Variants in SMYD4 observed in about 807,000 individuals in gnomAD.
SMYD4 encodes SET and MYND domain containing 4, also known as protein-lysine N-methyltransferase SMYD4.
Under a neutral mutation model 72.8 loss-of-function variants are expected in SMYD4, and 68 were observed. That is an observed-to-expected ratio of 0.93 (90% CI 0.77 to 1.14). The LOEUF is 1.14. Ranked by LOEUF, SMYD4 falls within the 50% of genes most tolerant of loss-of-function variation. The pLI, the probability that SMYD4 is intolerant of heterozygous loss-of-function variation, is 0.00. For synonymous variants in SMYD4, 407 were observed against 388.6 expected (o/e 1.05, Z -0.56); for missense variants, 984 against 1,003.7 (o/e 0.98, Z 0.27).
chr17:1,816,849 G>A (rs775364621), intron 2 of SMYD4, among the ~76,000 whole-genome samples: 7 of 151,838 alleles, frequency 4.6e-5, no homozygotes, highest in Non-Finnish European at 8.8e-5. Context: ...TGTGTCTACT[G>A]GCTATTTGTG....
chr17:1,816,894 C>T (rs1041851618), intron 2 of SMYD4, among the ~76,000 whole-genome samples: 5 of 151,870 alleles, frequency 3.3e-5, no homozygotes, highest in Non-Finnish European at 7.4e-5. Flanking sequence ...AGTCCTTTGC[C>T]TATTTTTAAT....
chr17:1,829,776 C>G lies in SMYD4; in HGVS notation c.-63G>C, dbSNP rs998750087. 7 of 221,188 alleles carry G rather than the reference C, an allele frequency of 3.2e-5. No homozygotes were observed. The highest frequency in any genetic ancestry group is 2.3e-4 in the Admixed American group (4 of 17,268). The allele number at this position is 221,188 out of a possible 1,614,324, so 13.7% of individuals were successfully genotyped here. A position where few individuals can be genotyped will look rare whatever the true frequency, so the allele number is the denominator to read the frequency against. On this transcript the variant is annotated 5_prime_UTR_variant, in exon 1 of 11. Coordinates refer to ENST00000305513, the MANE Select transcript of SMYD4 (RefSeq NM_052928.3). Reference sequence around the variant, plus strand: ...GAGAACGCCTCGAGAACCGCTCAGACGCGCCCGGAACTGCGCCCTGGTCTC... The same window carrying G: ...GAGAACGCCTCGAGAACCGCTCAGAGGCGCCCGGAACTGCGCCCTGGTCTC...
chr17:1,793,782 G>T (rs1343829559), intron 5 of SMYD4, among the ~76,000 whole-genome samples: 1 of 151,320 alleles, frequency 6.6e-6, no homozygotes, highest in African/African-American at 2.4e-5. Flanking sequence ...ATGACACTGA[G>T]ATACACAGAG....
intron 5 of SMYD4, among the ~76,000 whole-genome samples, chr17:1,789,576 C>T (rs530674398): frequency 2.6e-5 from 4 of 152,072 alleles, no homozygotes; most frequent in African/African-American, 4.8e-5. Context: ...CCAGCTTGGC[C>T]AACATGGTGA....
intron 2 of SMYD4, among the ~76,000 whole-genome samples, chr17:1,821,109 G>A (rs542494457): frequency 2.0e-5 from 3 of 152,256 alleles, no homozygotes; most frequent in Middle Eastern, 3.4e-3. Context: ...CATCCTTCAC[G>A]GTTCATGTGA....
chr17:1,829,482 T>G (rs749786655), intron 1 of SMYD4: 2 of 152,308 alleles, frequency 1.3e-5, no homozygotes, highest in Non-Finnish European at 2.9e-5. Context: ...CACGTCTACC[T>G]GGAGGTGGGG....
At chr17:1,827,280 A>G (rs965364229) in intron 2 of SMYD4, among the ~76,000 whole-genome samples, 1 of 151,732 alleles carries the variant, frequency 6.6e-6, no homozygotes, top group Non-Finnish European at 1.5e-5. Context: ...AGGCGGAGGC[A>G]GTGGGCTGAG....
intron 2 of SMYD4, among the ~76,000 whole-genome samples, chr17:1,815,504 C>A (rs1049567173): frequency 7.5e-6 from 1 of 133,616 alleles, no homozygotes; most frequent in East Asian, 2.2e-4. Flanking sequence ...CCAGCCGATT[C>A]TTTTTTTTTT....
chr17:1,809,990 T>C (rs1282653419), intron 3 of SMYD4, among the ~76,000 whole-genome samples: 1 of 151,998 alleles, frequency 6.6e-6, no homozygotes, highest in Non-Finnish European at 1.5e-5. Context: ...AGATGGGGTC[T>C]TGCTATGTTG....
At chr17:1,806,929 C>T (rs893229313) in intron 3 of SMYD4, among the ~76,000 whole-genome samples, 3 of 151,666 alleles carry the variant, frequency 2.0e-5, no homozygotes, top group Admixed American at 6.6e-5. Flanking sequence ...CTCTCGTTGT[C>T]GTCCAGGCTG....
chr17:1,787,602 G>A lies in SMYD4; in HGVS notation c.1540C>T (p.Pro514Ser). The A allele has an allele frequency of 6.3e-7, 1 of 1,582,068 alleles. No homozygotes were observed. Among genetic ancestry groups the A allele is most frequent in the Non-Finnish European group, 8.6e-7 (1 of 1,163,956 alleles). Residue 514 changes from proline (P) to serine (S), a missense_variant and splice_region_variant, in exon 6 of 11, where the codon CCT (proline) becomes TCT (serine). Physicochemically the swap from Pro to Ser is moderately conservative, Grantham distance 74. Coordinates refer to ENST00000305513, the MANE Select transcript of SMYD4 (RefSeq NM_052928.3). Reference protein sequence around the residue: ...QAMTTIQHTGPKGSIVTDSRQ... With the variant: ...QAMTTIQHTGSKGSIVTDSRQ... Reference sequence around the variant, plus strand: ...CTGTCGGTAACGATGCTCCCTTTAGGTCCTGAAAGGGCAAGAGGAAAGAAG... The same window carrying A: ...CTGTCGGTAACGATGCTCCCTTTAGATCCTGAAAGGGCAAGAGGAAAGAAG...
chr17:1,796,246 G>A (rs1909399183), intron 5 of SMYD4, among the ~76,000 whole-genome samples: 1 of 149,578 alleles, frequency 6.7e-6, no homozygotes, highest in African/African-American at 2.5e-5. Context: ...CAATCCTCCT[G>A]CCTCAGCTTC....
At chr17:1,807,293 T>C (rs1051529817) in intron 3 of SMYD4, among the ~76,000 whole-genome samples, 1 of 151,388 alleles carries the variant, frequency 6.6e-6, no homozygotes, top group South Asian at 2.1e-4. Flanking sequence ...ATCCATTTAA[T>C]GGAACGCCAT....
rs1038492893 is a variant in SMYD4 at position 1,788,756 on chromosome 17, A to T, written c.1538-1152T>A. Among the ~76,000 whole-genome samples, 2 of 152,078 alleles carry T rather than the reference A, an allele frequency of 1.3e-5. 1 individual carries two copies. Among genetic ancestry groups the T allele is most frequent in the South Asian group, 4.1e-4 (2 of 4,820 alleles). ...AGACCCCGCCTCCAAAAAAAAAAAAATTTGTTCATTTCAGAAAAGAAAGCA... is the reference window on the plus strand; with the variant it reads ...AGACCCCGCCTCCAAAAAAAAAAAATTTTGTTCATTTCAGAAAAGAAAGCA... On this transcript the variant is annotated intron_variant, in intron 5 of 10. Coordinates refer to ENST00000305513, the MANE Select transcript of SMYD4 (RefSeq NM_052928.3).
intron 3 of SMYD4, among the ~76,000 whole-genome samples, 185 bp from the exon 4 acceptor site, chr17:1,804,900 CAG>C (rs1909957305): frequency 6.6e-6 from 1 of 152,092 alleles, no homozygotes; most frequent in South Asian, 2.1e-4. Context: ...GTGAGGACAT[CAG>C]TATTAAAAGC....
At chr17:1,828,125 TG>T in intron 1 of SMYD4, 119 bp from the exon 2 acceptor site, 1 of 933,896 alleles carries the variant, frequency 1.1e-6, no homozygotes, top group Non-Finnish European at 1.6e-6. Context: ...CCGAGGTAGG[TG>T]GATCACGAGG....
intron 4 of SMYD4, among the ~76,000 whole-genome samples, chr17:1,803,305 TAAG>T (rs1909867997): frequency 6.6e-6 from 1 of 152,190 alleles, no homozygotes; most frequent in Admixed American, 6.6e-5. Flanking sequence ...TCACGACACT[TAAG>T]AAGGCTGAGC....
chr17:1,812,694 G>T (rs1302069486), intron 2 of SMYD4, among the ~76,000 whole-genome samples: 1 of 150,054 alleles, frequency 6.7e-6, no homozygotes, highest in African/African-American at 2.5e-5. Flanking sequence ...GATTACAGGC[G>T]CCCATCACCA....
rs751806935 is a variant in SMYD4, at chr17:1,783,130, T to C, written c.2166A>G (p.Leu722=). ...LGDWQKSATH[L]QRSLYVVEVR... ...CCTCCACCACGTAGAGACTCCTCTG[T>C]AGATGGGTGGCTGACTTTTGCCAGT... Residue 722 remains leucine, a synonymous_variant, in exon 10 of 11, where the codon CTA becomes CTG. Coordinates refer to ENST00000305513, the MANE Select transcript of SMYD4 (RefSeq NM_052928.3). The C allele has an allele frequency of 2.5e-6, 4 of 1,614,114 alleles. No individual in the cohort carries two copies. The highest frequency in any genetic ancestry group is 1.7e-4 in the Middle Eastern group (1 of 6,060).
Sources: allele counts gnomAD v4.1 joint callset (sites outside exome capture counted in the v4.1 genomes callset), GRCh38; gene constraint gnomAD v4.1.1; transcripts MANE v1.5; gene names NCBI Gene and HGNC (gene_info 2026-07-23, HGNC 2026-07-21).